PHTF1: variants seen among roughly 807,000 people sequenced by gnomAD.
The protein encoded by PHTF1 is protein PHTF1.
Under a neutral mutation model 102.4 loss-of-function variants are expected in PHTF1, and 88 were observed. The ratio of observed to expected loss-of-function variants is 0.86; its 90% confidence interval spans 0.72 to 1.03. The LOEUF (loss-of-function observed/expected upper bound fraction) is 1.03. Ranked by LOEUF, PHTF1 falls within the 50% of genes least tolerant of loss-of-function variation. The pLI is 0.00. For missense variants in PHTF1, 814 were observed against 909.5 expected, an observed-to-expected ratio of 0.89 and a Z score of 1.35; for synonymous variants, 289 against 305.2, an observed-to-expected ratio of 0.95 and a Z score of 0.55.
At chr1:113,756,852 T>C (rs988656755) in intron 3 of PHTF1, among the ~76,000 whole-genome samples, 11 of 152,088 alleles carry the variant, frequency 7.2e-5, no homozygotes, top group African/African-American at 2.4e-4. Flanking sequence ...TAGAAAAAAG[T>C]TTAAGAACCT....
At chr1:113,750,100 T>C (rs879273568) in intron 3 of PHTF1, among the ~76,000 whole-genome samples, 6 of 151,870 alleles carry the variant, frequency 4.0e-5, no homozygotes, top group Admixed American at 1.3e-4. Context: ...GCTCAGGCGA[T>C]CCCCCCCAAC....
intron 7 of PHTF1, among the ~76,000 whole-genome samples, chr1:113,723,675 A>C (rs756777800): frequency 7.9e-5 from 12 of 152,236 alleles, no homozygotes; most frequent in Non-Finnish European, 1.5e-5. Context: ...TGAAATGACT[A>C]AAAGAAAACA....
intron 3 of PHTF1, among the ~76,000 whole-genome samples, chr1:113,754,141 C>T (rs1441375253): frequency 2.0e-5 from 3 of 152,220 alleles, no homozygotes; most frequent in East Asian, 3.9e-4. Context: ...CTGGGCAGAG[C>T]GTCTCATGCC....
intron 3 of PHTF1, among the ~76,000 whole-genome samples, chr1:113,752,075 A>G (rs769361917): frequency 5.3e-5 from 8 of 152,232 alleles, no homozygotes; most frequent in Non-Finnish European, 7.3e-5. Flanking sequence ...AAGGGATTAC[A>G]TTGAATATAT....
rs1389434168 is a variant in PHTF1, at chr1:113,706,162, C to T, written c.1399G>A (p.Val467Ile). Residue 467 changes from valine to isoleucine, a missense_variant and splice_region_variant, in exon 13 of 19, where the codon GTC (valine) becomes ATC (isoleucine). Transcript: ENST00000369604. ...CCTACTCCTTGCTGATAGGCATTGA[C>T]CTGTGAATTAATTTAAAATTTCCAC... ...LEISGIIMSR[V>I]NAYQQGVGYQ... The T allele has an allele frequency of 6.3e-7, 1 of 1,591,134 alleles. No individual in the cohort carries two copies. Among genetic ancestry groups the T allele is most frequent in the Non-Finnish European group, 8.5e-7 (1 of 1,170,020 alleles).
chr1:113,751,498 CA>C (rs1366668282), intron 3 of PHTF1, among the ~76,000 whole-genome samples: 7 of 152,290 alleles, frequency 4.6e-5, no homozygotes, highest in South Asian at 2.1e-4. Flanking sequence ...CTTAGCATGA[CA>C]TTTTTTATGT....
At position 113,704,731 on chromosome 1, in the gene PHTF1, G is replaced by C; in HGVS notation, c.1738C>G (p.Pro580Ala). The stretch of plus-strand genomic sequence containing the variant: ...TCCACCTTCTTAAGTCTGAAATGAG[G>C]TATTTCATATTTCCTAGCTTTCCTG... ...SARKARKYEI[P>A]HFRLKKVENI... Residue 580 changes from proline to alanine, a missense_variant, in exon 14 of 19, where the codon CCT (proline) becomes GCT (alanine). Transcript: ENST00000369604. The C allele has an allele frequency of 6.4e-7, 1 of 1,568,306 alleles. No individual in the cohort carries two copies. The highest frequency in any genetic ancestry group is 8.8e-7 in the Non-Finnish European group (1 of 1,139,038).
chr1:113,715,493 C>T (rs1651840556), intron 7 of PHTF1, among the ~76,000 whole-genome samples: 1 of 151,306 alleles, frequency 6.6e-6, no homozygotes, highest in South Asian at 2.1e-4. Context: ...CTCGTCTTTA[C>T]AAAAATTAGC....
chr1:113,739,678 C>T (rs141424635), intron 3 of PHTF1, among the ~76,000 whole-genome samples: 2 of 152,276 alleles, frequency 1.3e-5, no homozygotes, highest in Non-Finnish European at 2.9e-5. Flanking sequence ...AACCTTATTC[C>T]TATCTAGCTG....
chr1:113,738,316 A>G, intron 4 of PHTF1, 48 bp from the exon 5 acceptor site: 1 of 1,438,070 alleles, frequency 7.0e-7, no homozygotes, highest in East Asian at 2.3e-5. Context: ...TATACACTGT[A>G]TTGAAGGCCA....
In PHTF1 at chr1:113,697,232, A is replaced by C. The variant is rs1648900851; in HGVS notation, c.*473T>G. Reference sequence around the variant, plus strand: ...TCTCCAGTAAAGTTCTTTTATTCGGATTTAACCTAAAATAGTTCGCTTGAT... The same window carrying C: ...TCTCCAGTAAAGTTCTTTTATTCGGCTTTAACCTAAAATAGTTCGCTTGAT... On this transcript the variant is annotated 3_prime_UTR_variant, in exon 19 of 19. Transcript: ENST00000369604. The C allele has an allele frequency of 6.6e-6, 1 of 152,434 alleles. No homozygotes were observed. Among genetic ancestry groups the C allele is most frequent in the Admixed American group, 6.5e-5 (1 of 15,288 alleles). 9.4% of individuals were successfully genotyped at this position (152,434 alleles called of 1,614,324 possible).
chr1:113,722,307 C>T (rs1274623287), intron 7 of PHTF1, among the ~76,000 whole-genome samples: 5 of 151,632 alleles, frequency 3.3e-5, no homozygotes, highest in African/African-American at 4.8e-5. Flanking sequence ...GGCACGGTGG[C>T]GGGTGCCTGT....
chr1:113,757,835 G>A (rs577556011), intron 2 of PHTF1, 80 bp from the exon 3 acceptor site: 25 of 910,550 alleles, frequency 2.7e-5, no homozygotes, highest in Middle Eastern at 2.2e-4. Flanking sequence ...TAAAAGTCAT[G>A]AGCCTATTAA....
chr1:113,716,762 C>G (rs1260040138), intron 7 of PHTF1, among the ~76,000 whole-genome samples: 3 of 152,032 alleles, frequency 2.0e-5, no homozygotes, highest in Non-Finnish European at 4.4e-5. Flanking sequence ...CAGAAAAAAA[C>G]AAAAGCTGAA....
At chr1:113,697,955 T>A (rs766187343) in intron 18 of PHTF1, among the ~76,000 whole-genome samples, 1 of 152,226 alleles carries the variant, frequency 6.6e-6, no homozygotes, top group Non-Finnish European at 1.5e-5. Context: ...CATCTGTACA[T>A]TCCCCAGGAT....
intron 5 of PHTF1, 45 bp downstream of exon 5, chr1:113,738,065 C>T: frequency 7.3e-7 from 1 of 1,360,888 alleles, no homozygotes; most frequent in Non-Finnish European, 1.0e-6. Context: ...ATAGCAAAAG[C>T]AGCAAAAAGA....
At chr1:113,759,612 C>A (rs1214176315), upstream of PHTF1, 1 of 152,320 alleles carries the variant, frequency 6.6e-6, no homozygotes, top group Admixed American at 6.5e-5. Context: ...TTGGTCCAGG[C>A]TCCGGGTCCG....
At chr1:113,709,083 T>C (rs934624598) in intron 11 of PHTF1, among the ~76,000 whole-genome samples, 11 of 152,006 alleles carry the variant, frequency 7.2e-5, no homozygotes, top group Admixed American at 2.6e-4. Context: ...AGTGCGACCC[T>C]GTCTCTACAA....
chr1:113,725,150 A>T (rs999825501), intron 6 of PHTF1, among the ~76,000 whole-genome samples: 1 of 152,102 alleles, frequency 6.6e-6, no homozygotes, highest in Non-Finnish European at 1.5e-5. Flanking sequence ...AAAAAAAAAA[A>T]TTTCTACTTG....
Sources: allele counts gnomAD v4.1 joint callset (sites outside exome capture counted in the v4.1 genomes callset), GRCh38; gene constraint gnomAD v4.1.1; transcripts MANE v1.5; gene names NCBI Gene and HGNC (gene_info 2026-07-23, HGNC 2026-07-21).